ABHD15: variants seen among roughly 807,000 people sequenced by gnomAD.
ABHD15 encodes protein ABHD15.
ABHD15 carries 34 observed loss-of-function variants against 34.4 expected under a neutral mutation model. The ratio of observed to expected loss-of-function variants is 0.99; its 90% confidence interval spans 0.75 to 1.32. ABHD15 has a LOEUF of 1.32. ABHD15 is among the 40% of genes most tolerant of loss of function. The pLI is 0.00. For missense variants in ABHD15, 644 were observed against 650.4 expected, an observed-to-expected ratio of 0.99 and a Z score of 0.11; for synonymous variants, 314 against 299.2, an observed-to-expected ratio of 1.05 and a Z score of -0.51.
chr17:29,561,396 C>G lies in ABHD15; in HGVS notation c.*1165G>C, dbSNP rs558935684. 6.6e-6 allele frequency: 1 copy of G among 152,348 alleles called. No homozygotes were observed. The highest frequency in any genetic ancestry group is 2.1e-4 in the South Asian group (1 of 4,834). The allele number at this position is 152,348 out of a possible 1,614,324, so 9.4% of individuals were successfully genotyped here. On this transcript the variant is annotated 3_prime_UTR_variant, in exon 2 of 2. Transcript: ENST00000307201. ...GATATACTATATCTCTAGTCCTCAG[C>G]ATTATTCTTCATAAAACCAAATACC... is the stretch of plus-strand genomic sequence containing the variant.
Position 29,563,098 on chromosome 17 carries a change from G to T in ABHD15, c.882-12C>A. On this transcript the variant is annotated splice_polypyrimidine_tract_variant and intron_variant, in intron 1 of 1. Transcript: ENST00000307201. ...GGGCTGTGGCATACCTGGCAGCGAGGTGTTTAGTGGGGAAGGTGGGAAAGA... is the reference window on the plus strand; with the variant it reads ...GGGCTGTGGCATACCTGGCAGCGAGTTGTTTAGTGGGGAAGGTGGGAAAGA... 1 of 1,590,984 alleles carries T rather than the reference G, an allele frequency of 6.3e-7. No homozygotes were observed. Among genetic ancestry groups the T allele is most frequent in the South Asian group, 1.1e-5 (1 of 90,090 alleles).
At position 29,562,287 on chromosome 17, in the gene ABHD15, AGTGACAGGTGACAGTGACTGGAACGC is replaced by A; in HGVS notation, c.*248_*273del. The A allele has an allele frequency of 2.9e-6, 1 of 345,944 alleles. No individual in the cohort carries two copies. The highest frequency in any genetic ancestry group is 5.3e-6 in the Non-Finnish European group (1 of 189,652). 21.4% of individuals were successfully genotyped at this position (345,944 alleles called of 1,614,324 possible). A position where few individuals can be genotyped will look rare whatever the true frequency, so the allele number is the denominator to read the frequency against. ...GTGCTATCCTTTGGCTTGTGATGTC[AGTGACAGGTGACAGTGACTGGAACGC>A]GCCGCTGCTGACCGGATGAGTAGGG... On this transcript the variant is annotated 3_prime_UTR_variant, in exon 2 of 2. Coordinates refer to ENST00000307201, the MANE Select transcript of ABHD15 (RefSeq NM_198147.3).
Position 29,562,481 on chromosome 17 carries a change from T to A in ABHD15, c.*80A>T. ...CAGAGCTGGAGCTCCCTCTGTTCAG[T>A]CCGCCCCATCTTTCCAGGACTCCCC... On this transcript the variant is annotated 3_prime_UTR_variant, in exon 2 of 2. Coordinates refer to ENST00000307201, the MANE Select transcript of ABHD15 (RefSeq NM_198147.3). 14 of 1,460,470 alleles carry A rather than the reference T, an allele frequency of 9.6e-6. No individual in the cohort carries two copies. Among genetic ancestry groups the A allele is most frequent in the Non-Finnish European group, 1.2e-5 (13 of 1,085,184 alleles). The allele number at this position is 1,460,470 out of a possible 1,614,324, so 90.5% of individuals were successfully genotyped here.
chr17:29,566,015 G>A (rs2032701663), intron 1 of ABHD15, 71 bp downstream of exon 1: 2 of 1,496,754 alleles, frequency 1.3e-6, no homozygotes, highest in Admixed American at 4.6e-5. Flanking sequence ...GCTATGCATA[G>A]CTGTTTCTGA....
intron 1 of ABHD15, among the ~76,000 whole-genome samples, chr17:29,565,299 C>T (rs868250114): frequency 1.3e-5 from 2 of 151,778 alleles, no homozygotes; most frequent in African/African-American, 2.4e-5. Context: ...TAATAAATGC[C>T]TACATATATG....
chr17:29,563,054 G>A lies in ABHD15; in HGVS notation c.914C>T (p.Thr305Ile), dbSNP rs757913113. The change falls in exon 2 of 2, where the codon ACC becomes ATC. Residue 305 changes from threonine (T) to isoleucine (I), a missense_variant. Thr to Ile is a moderately conservative substitution (Grantham distance 89). Coordinates refer to ENST00000307201, the MANE Select transcript of ABHD15 (RefSeq NM_198147.3). ...GGAACGGCTCCTGAACAGTCTGCTG[G>A]TGTCCACAGTGTCCTCCAGGGCTGT... is the stretch of plus-strand genomic sequence containing the variant. Reference protein sequence around the residue: ...YATALEDTVDTSRLFRSRSLR... With the variant: ...YATALEDTVDISRLFRSRSLR... 6.2e-7 allele frequency: 1 copy of A among 1,608,616 alleles called. No homozygotes were observed. Among genetic ancestry groups the A allele is most frequent in the Non-Finnish European group, 8.5e-7 (1 of 1,179,820 alleles).
Position 29,562,685 on chromosome 17 carries a change from A to G in ABHD15, c.1283T>C (p.Leu428Pro). ...AAGGAAGGAAGCTCTGTGCCTGCTC[A>G]GCCCTTTAATCCTCTCCTCCGTTCG... The part of the protein sequence containing the change: ...FFRTEERIKG[L>P]SRHRASFLGG... The change falls in exon 2 of 2, where the codon CTG (leucine) becomes CCG (proline). Residue 428 changes from leucine (L) to proline (P), a missense_variant. Transcript: ENST00000307201. 1 of 1,614,206 alleles carries G rather than the reference A, an allele frequency of 6.2e-7. No homozygotes were observed. Among genetic ancestry groups the G allele is most frequent in the Middle Eastern group, 1.6e-4 (1 of 6,062 alleles).
rs776555358 is a variant in ABHD15 at position 29,562,984 on chromosome 17, G to T, written c.984C>A (p.Phe328Leu). 1.2e-6 allele frequency: 2 copies of T among 1,613,758 alleles called. No homozygotes were observed. Among genetic ancestry groups the T allele is most frequent in the Non-Finnish European group, 1.7e-6 (2 of 1,180,056 alleles). Residue 328 changes from phenylalanine to leucine, a missense_variant, in exon 2 of 2, where the codon TTC (phenylalanine) becomes TTA (leucine). Coordinates refer to ENST00000307201, the MANE Select transcript of ABHD15 (RefSeq NM_198147.3). The part of the protein sequence containing the change: ...EEALFCHTKS[F>L]PISWDTYWDR... ...CCCAGTAGGTATCCCAGCTGATGGG[G>T]AAGCTTTTGGTGTGGCAGAAGAGAG...
In ABHD15 at chr17:29,566,610, C is replaced by T. The variant is rs745401207; in HGVS notation, c.357G>A (p.Gly119=). The T allele has an allele frequency of 1.2e-5, 20 of 1,608,870 alleles. No individual in the cohort carries two copies. Among genetic ancestry groups the T allele is most frequent in the Non-Finnish European group, 1.7e-5 (20 of 1,179,640 alleles). Residue 119 remains glycine (G), a synonymous_variant, in exon 1 of 2, where the codon GGG becomes GGA. Coordinates refer to ENST00000307201, the MANE Select transcript of ABHD15 (RefSeq NM_198147.3). ...LCHFVLPVAP[G]PELAREYLQL... is the part of the protein sequence containing the mutation. ...GCAGGTACTCCCGGGCCAGCTCAGG[C>T]CCAGGCGCTACGGGCAGGACGAAGT...
chr17:29,564,028 G>A (rs1359964619), intron 1 of ABHD15, among the ~76,000 whole-genome samples: 1 of 152,210 alleles, frequency 6.6e-6, no homozygotes, highest in Non-Finnish European at 1.5e-5. Context: ...CACTAGGCCT[G>A]TCATTCACAG....
Position 29,566,677 on chromosome 17 carries a change from G to A in ABHD15, c.290C>T (p.Pro97Leu), listed in dbSNP as rs150324138. ...LRRSEALEAGPRSWFSGPHLQ... is the reference protein window; with the variant it reads ...LRRSEALEAGLRSWFSGPHLQ... ...GTGGGGCCCGGAGAACCAGGAGCGC[G>A]GGCCGGCCTCCAGCGCCTCTGAGCG... is the stretch of plus-strand genomic sequence containing the variant. Residue 97 changes from proline to leucine, a missense_variant, in exon 1 of 2, where the codon CCG becomes CTG. Coordinates refer to ENST00000307201, the MANE Select transcript of ABHD15 (RefSeq NM_198147.3). The A allele has an allele frequency of 8.1e-5, 129 of 1,595,838 alleles. No individual in the cohort carries two copies. The highest frequency in any genetic ancestry group is 1.1e-4 in the Non-Finnish European group (125 of 1,176,376).
At position 29,562,862 on chromosome 17, in the gene ABHD15, G is replaced by C; in HGVS notation, c.1106C>G (p.Thr369Ser). The change falls in exon 2 of 2, where the codon ACT (threonine) becomes AGT (serine). Residue 369 changes from threonine (T) to serine (S), a missense_variant. Thr to Ser is a moderately conservative substitution (Grantham distance 58, BLOSUM62 1). Transcript: ENST00000307201. ...GCTGTGGAAGAGTTCAGTTGTCAGA[G>C]TGTGGTCTGGGGGTCCACACACGGG... The part of the protein sequence containing the change: ...DDPVCGPPDH[T>S]LTTELFHSNP... 6.2e-7 allele frequency: 1 copy of C among 1,614,114 alleles called. No homozygotes were observed. Among genetic ancestry groups the C allele is most frequent in the Non-Finnish European group, 8.5e-7 (1 of 1,179,992 alleles).
At chr17:29,563,341 G>A (rs1337007243) in intron 1 of ABHD15, among the ~76,000 whole-genome samples, 1 of 151,132 alleles carries the variant, frequency 6.6e-6, no homozygotes, top group Non-Finnish European at 1.5e-5. Context: ...CTTAAGTCCA[G>A]GAGTTTGAGA....
intron 1 of ABHD15, 29 bp downstream of exon 1, chr17:29,566,057 C>G: frequency 6.6e-7 from 1 of 1,510,074 alleles, no homozygotes; most frequent in Non-Finnish European, 8.8e-7. Flanking sequence ...CTATTCTTTC[C>G]ATGCTGGTCT....
chr17:29,562,965 A>ACGTTGC lies in ABHD15; in HGVS notation c.1002_1003insGCAACG (p.Thr334_Tyr335insAlaThr), dbSNP rs774839302. The ACGTTGC allele has an allele frequency of 2.5e-6, 4 of 1,613,902 alleles. No individual in the cohort carries two copies. In the East Asian group the frequency reaches 8.9e-5, roughly 36 times the overall value. On this transcript the variant is annotated inframe_insertion, in exon 2 of 2. Transcript: ENST00000307201. ...CGGAGCGGGTCGTTGCGGTCCCAGT[A>ACGTTGC]GGTATCCCAGCTGATGGGGAAGCTT...
In ABHD15 at chr17:29,562,618, G is replaced by C. The variant is rs2032641407; in HGVS notation, c.1350C>G (p.Val450=). The C allele has an allele frequency of 6.2e-7, 1 of 1,614,014 alleles. No individual in the cohort carries two copies. The highest frequency in any genetic ancestry group is 8.5e-7 in the Non-Finnish European group (1 of 1,180,014). ...RRGGALQRRE[V]SSSSNLEEIF... ...TCTCCTCCAGGTTGGAAGAGGAAGA[G>C]ACTTCCCGCCTCTGCAAGGCTCCCC... is the stretch of plus-strand genomic sequence containing the variant. Residue 450 remains valine (V), a synonymous_variant, in exon 2 of 2, where the codon GTC becomes GTG. Transcript: ENST00000307201.
chr17:29,566,048 T>C, intron 1 of ABHD15, 38 bp downstream of exon 1: 1 of 1,506,176 alleles, frequency 6.6e-7, no homozygotes, highest in Non-Finnish European at 8.9e-7. Context: ...TCAGGCCCTC[T>C]ATTCTTTCCA....
Position 29,562,487 on chromosome 17 carries a change from C to T in ABHD15, c.*74G>A. The stretch of plus-strand genomic sequence containing the variant: ...TGGAGCTCCCTCTGTTCAGTCCGCC[C>T]CATCTTTCCAGGACTCCCCCTTGCC... On this transcript the variant is annotated 3_prime_UTR_variant, in exon 2 of 2. Coordinates refer to ENST00000307201, the MANE Select transcript of ABHD15 (RefSeq NM_198147.3). 1 of 1,485,256 alleles carries T rather than the reference C, an allele frequency of 6.7e-7. No homozygotes were observed. Among genetic ancestry groups the T allele is most frequent in the Non-Finnish European group, 9.0e-7 (1 of 1,105,870 alleles). 92.0% of individuals were successfully genotyped at this position (1,485,256 alleles called of 1,614,324 possible). A position where few individuals can be genotyped will look rare whatever the true frequency, so the allele number is the denominator to read the frequency against.
At position 29,562,642 on chromosome 17, in the gene ABHD15, C is replaced by A. The variant is rs1451466980; in HGVS notation, c.1326G>T (p.Gly442=). The A allele has an allele frequency of 2.5e-6, 4 of 1,614,028 alleles. No homozygotes were observed. The African/African-American group carries it at 4.0e-5, about 16-fold the overall frequency. The change falls in exon 2 of 2, where the codon GGG becomes GGT. Residue 442 remains glycine, a synonymous_variant. Transcript: ENST00000307201. The part of the protein sequence containing the change: ...RASFLGGRRR[G]GALQRREVSS... ...AGACTTCCCGCCTCTGCAAGGCTCC[C>A]CCACGACGACGGCCCCCAAGGAAGG...
Sources: allele counts gnomAD v4.1 joint callset (sites outside exome capture counted in the v4.1 genomes callset), GRCh38; gene constraint gnomAD v4.1.1; transcripts MANE v1.5; gene names NCBI Gene and HGNC (gene_info 2026-07-23, HGNC 2026-07-21).